Variants in MTOR observed in about 807,000 individuals in gnomAD.
MTOR encodes the protein mechanistic target of rapamycin kinase.
A neutral mutation model predicts 319.8 loss-of-function variants in MTOR; 70 were observed. That is an observed-to-expected ratio of 0.22 (90% CI 0.18 to 0.27). The LOEUF is 0.27. MTOR is among the 10% of genes least tolerant of loss of function. MTOR has a pLI of 1.00. For missense variants in MTOR, 1,890 were observed against 3,274.4 expected (o/e 0.58, Z 10.32); for synonymous variants, 1,183 against 1,211.4 (o/e 0.98, Z 0.49).
At position 11,139,295 on chromosome 1, in the gene MTOR, G is replaced by A. The variant is rs775363202; in HGVS notation, c.5130+9C>T. 9 of 1,600,526 alleles carry A rather than the reference G, an allele frequency of 5.6e-6. No homozygotes were observed. The South Asian group carries it at 7.8e-5, about 14-fold the overall frequency. ...AGGTGGTCTGTTCTGGATGCATTGG[G>A]ATACAGACCTTGCGGGCACTCTTCC... On this transcript the variant is annotated intron_variant, in intron 36 of 57. Coordinates refer to ENST00000361445, the MANE Select transcript of MTOR (RefSeq NM_004958.4).
chr1:11,248,381 G>C (rs1649127813), intron 6 of MTOR, among the ~76,000 whole-genome samples: 1 of 152,206 alleles, frequency 6.6e-6, no homozygotes, highest in Non-Finnish European at 1.5e-5. Context: ...CACTTGGTTT[G>C]GAAGGGCTGA....
intron 49 of MTOR, among the ~76,000 whole-genome samples, chr1:11,117,569 T>C (rs1215910449): frequency 6.6e-6 from 1 of 152,106 alleles, no homozygotes; most frequent in Admixed American, 6.6e-5. Context: ...TAAACTTAAT[T>C]AGAAATGTGT....
chr1:11,150,933 T>C (rs563229668), intron 30 of MTOR, among the ~76,000 whole-genome samples: 1 of 152,332 alleles, frequency 6.6e-6, no homozygotes, highest in African/African-American at 2.4e-5. Flanking sequence ...TCGGCTATTA[T>C]GCAAATCCGA....
intron 28 of MTOR, chr1:11,189,746 T>G (rs141187277): frequency 1.2e-6 from 2 of 1,614,126 alleles, no homozygotes; most frequent in Admixed American, 1.7e-5. Flanking sequence ...AAGGCCCAAG[T>G]TGCCAACCTT....
intron 16 of MTOR, among the ~76,000 whole-genome samples, chr1:11,232,108 C>T (rs150867307): frequency 3.3e-5 from 5 of 152,274 alleles, no homozygotes; most frequent in Admixed American, 6.5e-5. Context: ...ATGAGCTAAA[C>T]TTCTGTTCCT....
intron 5 of MTOR, 45 bp from the exon 6 acceptor site, chr1:11,254,018 C>T (rs2100967113): frequency 1.9e-6 from 3 of 1,608,844 alleles, no homozygotes; most frequent in South Asian, 1.1e-5. Flanking sequence ...AGAGTACAAA[C>T]CCAGAAAGAA....
chr1:11,229,365 A>G (rs902179524), intron 18 of MTOR, among the ~76,000 whole-genome samples: 1 of 152,222 alleles, frequency 6.6e-6, no homozygotes, highest in Non-Finnish European at 1.5e-5. Context: ...ACCTGACTTG[A>G]ACAGTAAGGA....
rs2100381254 is a variant in MTOR at position 11,124,515 on chromosome 1, A to G, written c.6645T>C (p.Ser2215=). 2 of 1,605,842 alleles carry G rather than the reference A, an allele frequency of 1.2e-6. No homozygotes were observed. Among genetic ancestry groups the G allele is most frequent in the Non-Finnish European group, 8.5e-7 (1 of 1,173,066 alleles). ...CTGAATACCTGAGGTTTTTCCGAAGAGATGTTGGGTCATTGGCCAGAAGGG... is the reference window on the plus strand; with the variant it reads ...CTGAATACCTGAGGTTTTTCCGAAGGGATGTTGGGTCATTGGCCAGAAGGG... ...VNTLLANDPT[S]LRKNLSIQRY... Residue 2215 remains serine, a synonymous_variant, in exon 47 of 58, where the codon TCT becomes TCC. Coordinates refer to ENST00000361445, the MANE Select transcript of MTOR (RefSeq NM_004958.4).
chr1:11,235,051 T>C (rs1164047116), intron 13 of MTOR, among the ~76,000 whole-genome samples: 1 of 152,192 alleles, frequency 6.6e-6, no homozygotes, highest in Non-Finnish European at 1.5e-5. Flanking sequence ...GTTACTGACT[T>C]AATAACCCGA....
chr1:11,192,299 CAGA>C lies in MTOR; in HGVS notation c.4253+6956_4253+6958del, dbSNP rs752722004. On this transcript the variant is annotated intron_variant, in intron 28 of 57. Coordinates refer to ENST00000361445, the MANE Select transcript of MTOR (RefSeq NM_004958.4). ...CATCTACGACTGCTCTTCCCTCTACCAGAAGAACTACCGCATCTCTGGAGTGTA... is the reference window on the plus strand; with the variant it reads ...CATCTACGACTGCTCTTCCCTCTACCAGAACTACCGCATCTCTGGAGTGTA... 8 of 1,613,926 alleles carry C rather than the reference CAGA, an allele frequency of 5.0e-6. No homozygotes were observed. The African/African-American group carries it at 8.0e-5, about 16-fold the overall frequency.
intron 46 of MTOR, 21 bp from the exon 47 acceptor site, chr1:11,124,654 G>A (rs780084705): frequency 2.8e-5 from 45 of 1,599,702 alleles, no homozygotes; most frequent in Non-Finnish European, 3.8e-5. Context: ...CAGTGGGAGC[G>A]GTGAGTGTAC....
At chr1:11,157,437 C>T in intron 29 of MTOR, 146 bp from the exon 30 acceptor site, 1 of 1,014,468 alleles carries the variant, frequency 9.9e-7, no homozygotes, top group Non-Finnish European at 1.4e-6. Context: ...TTAAAAACAA[C>T]TTCAGACAAT....
At chr1:11,108,388 A>G (rs1449857324) in intron 56 of MTOR, 102 bp from the exon 57 acceptor site, 2 of 930,382 alleles carry the variant, frequency 2.1e-6, no homozygotes. Flanking sequence ...TTATCGTCAG[A>G]CATGAAGATG....
At chr1:11,139,203 T>G (rs1643570781) in intron 36 of MTOR, 101 bp downstream of exon 36, 3 of 1,476,592 alleles carry the variant, frequency 2.0e-6, no homozygotes, top group Non-Finnish European at 2.7e-6. Context: ...AGTAGGTGGT[T>G]TAAACACTGT....
intron 29 of MTOR, among the ~76,000 whole-genome samples, chr1:11,167,178 G>A (rs978595231): frequency 6.6e-6 from 1 of 151,816 alleles, no homozygotes; most frequent in Non-Finnish European, 1.5e-5. Context: ...ACACCAACAT[G>A]GCACATGTGT....
chr1:11,193,952 C>T (rs1645669080), intron 28 of MTOR, among the ~76,000 whole-genome samples: 1 of 152,088 alleles, frequency 6.6e-6, no homozygotes, highest in South Asian at 2.1e-4. Context: ...TTCTGCAACC[C>T]CCCCAACCCC....
In MTOR at chr1:11,259,419, A is replaced by C. The variant is rs1297232552; in HGVS notation, c.-10T>G. ...GTCCGGTTCCAAGCATCTTGCCCTG[A>C]GGTTCTTTAGAGAGAAGTTTCCTTT... On this transcript the variant is annotated 5_prime_UTR_variant, in exon 2 of 58. Transcript: ENST00000361445. 1 of 1,537,126 alleles carries C rather than the reference A, an allele frequency of 6.5e-7. No homozygotes were observed. Among genetic ancestry groups the C allele is most frequent in the Non-Finnish European group, 8.7e-7 (1 of 1,149,532 alleles).
In MTOR at chr1:11,129,891, TA is replaced by T; in HGVS notation, c.5614-54del. On this transcript the variant is annotated intron_variant, in intron 39 of 57. Coordinates refer to ENST00000361445, the MANE Select transcript of MTOR (RefSeq NM_004958.4). The surrounding 1 kb of genome is among the most constrained non-coding windows in gnomAD (Gnocchi z 4.7). ...ACTCTTGCCTCTGCTTTCTCATCTG[TA>T]AAATGGGCATAAGAGCATACTAACT... 6.6e-7 allele frequency: 1 copy of T among 1,509,680 alleles called. No homozygotes were observed. The highest frequency in any genetic ancestry group is 1.1e-5 in the South Asian group (1 of 87,928). The allele number at this position is 1,509,680 out of a possible 1,614,324, so 93.5% of individuals were successfully genotyped here. A position where few individuals can be genotyped will look rare whatever the true frequency, so the allele number is the denominator to read the frequency against.
rs377701446 is a variant in MTOR at position 11,254,369 on chromosome 1, A to ACC, written c.706-398_706-397dup. Among the ~76,000 whole-genome samples, 281 of 152,174 alleles carry ACC rather than the reference A, an allele frequency of 1.8e-3. 3 individuals carry two copies. The highest frequency in any genetic ancestry group is 6.5e-3 in the African/African-American group (271 of 41,502). ...TAACCAGGCTGGTCTCAAACTCCTG[A>ACC]CCTCAAGTGATCCACCCATCTCAGC... On this transcript the variant is annotated intron_variant, in intron 5 of 57. Transcript: ENST00000361445.
Sources: allele counts gnomAD v4.1 joint callset (sites outside exome capture counted in the v4.1 genomes callset), GRCh38; gene constraint gnomAD v4.1.1; non-coding constraint Gnocchi (gnomAD v3.1); transcripts MANE v1.5; gene names NCBI Gene and HGNC (gene_info 2026-07-23, HGNC 2026-07-21).